ZC3H13: variants seen among roughly 807,000 people sequenced by gnomAD.
ZC3H13 encodes zinc finger CCCH-type containing 13.
Under a neutral mutation model 204.1 loss-of-function variants are expected in ZC3H13, and 64 were observed. The ratio of observed to expected loss-of-function variants is 0.31; its 90% CI spans 0.26 to 0.39. The LOEUF (loss-of-function observed/expected upper bound fraction) is 0.39, where lower values mean the gene tolerates loss of function less well. Ranked by LOEUF, ZC3H13 falls within the 10% of genes least tolerant of loss-of-function variation. The pLI, the probability that ZC3H13 is intolerant of heterozygous loss-of-function variation, is 1.00. For synonymous variants in ZC3H13, 667 were observed against 693.7 expected, an observed-to-expected ratio of 0.96 and a Z score of 0.60; for missense variants, 1,833 against 2,082.7, an observed-to-expected ratio of 0.88 and a Z score of 2.33.
At chr13:45,996,432 C>G (rs1396560648) in intron 8 of ZC3H13, among the ~76,000 whole-genome samples, 4 of 152,118 alleles carry the variant, frequency 2.6e-5, no homozygotes, top group Admixed American at 2.6e-4. Context: ...ACAATAGGCC[C>G]AGCTTACCTG....
intron 16 of ZC3H13, among the ~76,000 whole-genome samples, chr13:45,964,581 CA>C (rs1951934702): frequency 1.3e-5 from 2 of 152,002 alleles, no homozygotes; most frequent in African/African-American, 4.8e-5. Flanking sequence ...CAGAAAATAA[CA>C]AAGATAACAA....
intron 7 of ZC3H13, among the ~76,000 whole-genome samples, chr13:46,008,627 T>C (rs1005567224): frequency 3.9e-5 from 6 of 152,120 alleles, no homozygotes; most frequent in Non-Finnish European, 7.4e-5. Flanking sequence ...AAATATTCTA[T>C]AAACAGAACA....
rs755554458 is a variant in ZC3H13 at position 45,975,477 on chromosome 13, CCTCTCT to C, written c.2268_2273del (p.Glu775_Arg776del). 1 of 1,610,564 alleles carries C rather than the reference CCTCTCT, an allele frequency of 6.2e-7. No homozygotes were observed. Among genetic ancestry groups the C allele is most frequent in the Non-Finnish European group, 8.5e-7 (1 of 1,178,594 alleles). ...CTCTCTCCCGTTCTCGCTCTCTCTC[CCTCTCT>C]CTCTCTTCTCTTTCTCGTTCCCGTT... is the stretch of plus-strand genomic sequence containing the variant. On this transcript the variant is annotated inframe_deletion, in exon 12 of 19. Coordinates refer to ENST00000679008, the MANE Select transcript of ZC3H13 (RefSeq NM_001330564.2).
In ZC3H13 at chr13:45,989,108, AAACAAT is replaced by A. The variant is rs752572408; in HGVS notation, c.945-17_945-12del. The A allele has an allele frequency of 6.2e-7, 1 of 1,608,520 alleles. No homozygotes were observed. The highest frequency in any genetic ancestry group is 8.5e-7 in the Non-Finnish European group (1 of 1,175,830). On this transcript the variant is annotated splice_polypyrimidine_tract_variant and intron_variant, in intron 8 of 18. Coordinates refer to ENST00000679008, the MANE Select transcript of ZC3H13 (RefSeq NM_001330564.2). ...GCTGGGGAAGTAGACCTACAAGGGA[AAACAAT>A]AACAATAAAACATGTATTCAAGAGC...
Position 45,969,492 on chromosome 13 carries a change from C to G in ZC3H13, c.3052G>C (p.Asp1018His). The G allele has an allele frequency of 6.2e-7, 1 of 1,608,472 alleles. No homozygotes were observed. The highest frequency in any genetic ancestry group is 8.5e-7 in the Non-Finnish European group (1 of 1,178,656). Reference protein sequence around the residue: ...KKSKGDSDISDEEAAQQSKKK... With the variant: ...KKSKGDSDISHEEAAQQSKKK... Reference sequence around the variant, plus strand: ...TTACTTTGCTGGGCTGCTTCTTCATCAGAAATATCAGAATCACCTTTGGAT... The same window carrying G: ...TTACTTTGCTGGGCTGCTTCTTCATGAGAAATATCAGAATCACCTTTGGAT... Residue 1018 changes from aspartate (D) to histidine (H), a missense_variant, in exon 14 of 19, where the codon GAT becomes CAT. Transcript: ENST00000679008.
At chr13:46,048,871 C>T (rs2044193239) in intron 1 of ZC3H13, among the ~76,000 whole-genome samples, 1 of 152,166 alleles carries the variant, frequency 6.6e-6, no homozygotes, top group Non-Finnish European at 1.5e-5. Flanking sequence ...TGACTCACGC[C>T]TGTAATCCCA....
chr13:46,045,586 C>A (rs1261215659), intron 1 of ZC3H13, 70 bp from the exon 2 acceptor site: 4 of 1,032,974 alleles, frequency 3.9e-6, no homozygotes, highest in African/African-American at 1.6e-5. Context: ...CCACAGCTTA[C>A]AAGTAGATAA....
intron 8 of ZC3H13, chr13:46,001,510 A>G (rs1177543170): frequency 2.6e-5 from 4 of 152,212 alleles, no homozygotes; most frequent in Non-Finnish European, 5.9e-5. Context: ...CCAAGTTCAG[A>G]TTTGTCTACA....
intron 1 of ZC3H13, among the ~76,000 whole-genome samples, chr13:46,048,401 C>A (rs537728957): frequency 6.6e-6 from 1 of 151,906 alleles, no homozygotes; most frequent in South Asian, 2.1e-4. Context: ...CATGGTGAAA[C>A]CCTGTCTCTA....
chr13:45,962,422 T>C, intron 17 of ZC3H13: 1 of 985,330 alleles, frequency 1.0e-6, no homozygotes, highest in Non-Finnish European at 1.2e-6. Context: ...GAAACAAATA[T>C]CTTTAGAGGT....
intron 5 of ZC3H13, among the ~76,000 whole-genome samples, chr13:46,017,382 T>C (rs772819273): frequency 2.6e-5 from 4 of 152,144 alleles, no homozygotes; most frequent in Non-Finnish European, 5.9e-5. Flanking sequence ...GAATATGTGA[T>C]GTGGTTAACA....
intron 11 of ZC3H13, among the ~76,000 whole-genome samples, chr13:45,978,693 T>A (rs527395091): frequency 6.6e-6 from 1 of 151,600 alleles, no homozygotes; most frequent in African/African-American, 2.4e-5. Context: ...AATTCAGGCA[T>A]GAGATGAGAA....
chr13:45,970,300 G>T (rs980822853), intron 13 of ZC3H13, 62 bp downstream of exon 13: 19 of 1,542,020 alleles, frequency 1.2e-5, no homozygotes, highest in Middle Eastern at 3.4e-4. Flanking sequence ...TAGTATGAAA[G>T]GATGGTTTCA....
chr13:46,043,716 C>T (rs1428483434), intron 3 of ZC3H13, among the ~76,000 whole-genome samples: 1 of 151,820 alleles, frequency 6.6e-6, no homozygotes, highest in Non-Finnish European at 1.5e-5. Flanking sequence ...AAATCATACA[C>T]AAAATAGCAA....
chr13:45,969,877 C>T lies in ZC3H13; in HGVS notation c.2667G>A (p.Trp889Ter). The T allele has an allele frequency of 6.2e-7, 1 of 1,613,910 alleles. No individual in the cohort carries two copies. The highest frequency in any genetic ancestry group is 8.5e-7 in the Non-Finnish European group (1 of 1,179,976). ...TTTCTGGTTTACGATCCTCCTCTTT[C>T]CATCTACCCTGTCTGTCTTCTGTGA... ...SHLTEDRQGR[W>*]KEEDRKPERK... Residue 889 changes from tryptophan to a stop codon, truncating the protein, a stop_gained, in exon 14 of 19, where the codon TGG becomes TGA. Transcript: ENST00000679008. LOFTEE classifies it high-confidence loss of function.
At position 45,955,806 on chromosome 13, in the gene ZC3H13, C is replaced by T. The variant is rs1196161100; in HGVS notation, c.*1321G>A. 1 of 152,080 alleles carries T rather than the reference C, an allele frequency of 6.6e-6. No homozygotes were observed. Among genetic ancestry groups the T allele is most frequent in the East Asian group, 1.9e-4 (1 of 5,188 alleles). The allele number at this position is 152,080 out of a possible 1,614,324, so 9.4% of individuals were successfully genotyped here. On this transcript the variant is annotated 3_prime_UTR_variant, in exon 19 of 19. Coordinates refer to ENST00000679008, the MANE Select transcript of ZC3H13 (RefSeq NM_001330564.2). ...TTGAAAGTAAGACCATTTCCTTTGG[C>T]AGGTATCTTGTATAAAGTAACTTTA...
chr13:45,977,954 T>C (rs1258688553), intron 11 of ZC3H13, among the ~76,000 whole-genome samples: 2 of 152,110 alleles, frequency 1.3e-5, no homozygotes, highest in Admixed American at 1.3e-4. Flanking sequence ...GTTTCTTTTC[T>C]ACCTTGCCAA....
intron 12 of ZC3H13, 120 bp from the exon 13 acceptor site, chr13:45,970,585 G>T: frequency 1.4e-6 from 1 of 721,516 alleles, no homozygotes; most frequent in Non-Finnish European, 2.3e-6. Context: ...AAGCAATATT[G>T]CCAGAGTGTA....
At position 45,985,471 on chromosome 13, in the gene ZC3H13, G is replaced by A; in HGVS notation, c.1546C>T (p.His516Tyr). 1 of 1,614,192 alleles carries A rather than the reference G, an allele frequency of 6.2e-7. No homozygotes were observed. The highest frequency in any genetic ancestry group is 8.5e-7 in the Non-Finnish European group (1 of 1,180,030). ...TCTGGATATGTATCCTCCTTTCGAT[G>A]AGTATCTCGACCTTCACGGTCCCTG... ...DYRDREGRDT[H>Y]RKEDTYPEES... Residue 516 changes from histidine (H) to tyrosine (Y), a missense_variant, in exon 10 of 19, where the codon CAT becomes TAT. His to Tyr is a moderately conservative substitution (Grantham distance 83). Around this residue, in one of 5 missense-constraint regions of ZC3H13, gnomAD observed 1,574 missense variants for 1,757.2 expected, o/e 0.90. Coordinates refer to ENST00000679008, the MANE Select transcript of ZC3H13 (RefSeq NM_001330564.2).
Sources: gnomAD v4.1 joint callset for allele counts (sites outside exome capture counted in the v4.1 genomes callset) on GRCh38, gnomAD v4.1.1 for gene constraint, gnomAD v4.1.1 regional missense constraint, MANE v1.5 for transcripts, NCBI Gene and HGNC (gene_info 2026-07-23, HGNC 2026-07-21) for gene names.